The following WASHC5 variants were observed in gnomAD, a reference collection of about 807,000 sequenced individuals.
WASHC5 encodes WASH complex subunit strumpellin.
Under a neutral mutation model 150.4 loss-of-function variants are expected in WASHC5, and 101 were observed. The ratio of observed to expected loss-of-function variants is 0.67; its 90% CI spans 0.57 to 0.79. WASHC5 has a LOEUF of 0.79. Among genes scored for constraint, WASHC5 ranks in the 30% least tolerant of loss-of-function variants. The probability of loss-of-function intolerance (pLI) is 0.00; values close to 1 mark genes in which losing one functional copy is unlikely to be tolerated. For missense variants in WASHC5, 1,195 were observed against 1,396.3 expected (o/e 0.86, Z 2.30); for synonymous variants, 467 against 491.2 (o/e 0.95, Z 0.65).
chr8:125,043,939 A>G, intron 22 of WASHC5, 35 bp from the exon 23 acceptor site: 4 of 1,585,708 alleles, frequency 2.5e-6, no homozygotes, highest in Non-Finnish European at 3.4e-6. Flanking sequence ...TCTTTAGTAC[A>G]TTCGTAAAGG....
At position 125,040,432 on chromosome 8, in the gene WASHC5, G is replaced by A. The variant is rs1038022885; in HGVS notation, c.2851-534C>T. Among the ~76,000 whole-genome samples, 8 of 152,028 alleles carry A rather than the reference G, an allele frequency of 5.3e-5. No individual in the cohort carries two copies. In the South Asian group the frequency reaches 8.3e-4, roughly 16 times the overall value. ...AAATAATCTACATAAAATCTTTCAC[G>A]AAAATTTTAACAATGATAGCCCCTT... On this transcript the variant is annotated intron_variant, in intron 23 of 28. Coordinates refer to ENST00000318410, the MANE Select transcript of WASHC5 (RefSeq NM_014846.4).
At chr8:125,088,254 G>A (rs1157241979) in intron 1 of WASHC5, among the ~76,000 whole-genome samples, 15 of 151,536 alleles carry the variant, frequency 9.9e-5, no homozygotes, top group African/African-American at 2.7e-4. Context: ...GGATCACCCC[G>A]GCTCTACTAA....
At chr8:125,051,275 C>T (rs749168847) in intron 17 of WASHC5, among the ~76,000 whole-genome samples, 1 of 152,106 alleles carries the variant, frequency 6.6e-6, no homozygotes, top group Non-Finnish European at 1.5e-5. Flanking sequence ...TTTGTTATTC[C>T]TTTAAAAAGT....
At chr8:125,085,573 T>C (rs961894798) in intron 1 of WASHC5, among the ~76,000 whole-genome samples, 5 of 152,172 alleles carry the variant, frequency 3.3e-5, no homozygotes, top group East Asian at 1.9e-4. Flanking sequence ...CAACAAAACA[T>C]ACATGTGATG....
rs980177499 is a variant in WASHC5 at position 125,076,999 on chromosome 8, G to C, written c.712-499C>G. On this transcript the variant is annotated intron_variant, in intron 6 of 28. Transcript: ENST00000318410. ...AAGACTCTCACTTAAATTCTCTGAG[G>C]AATGAAATCTCTCCTTCTCTGGTTT... is the stretch of plus-strand genomic sequence containing the variant. 8.5e-5 allele frequency among the ~76,000 whole-genome samples: 13 copies of C among 152,190 alleles called. No homozygotes were observed. The Middle Eastern group carries it at 0.01, about 119-fold the overall frequency.
At chr8:125,037,547 G>A (rs1815752443) in intron 25 of WASHC5, among the ~76,000 whole-genome samples, 1 of 152,164 alleles carries the variant, frequency 6.6e-6, no homozygotes, top group African/African-American at 2.4e-5. Context: ...GCCCTTCTGG[G>A]AAGAAAACAA....
At chr8:125,046,527 A>T (rs1180998716) in intron 20 of WASHC5, among the ~76,000 whole-genome samples, 2 of 152,186 alleles carry the variant, frequency 1.3e-5, no homozygotes, top group Non-Finnish European at 2.9e-5. Context: ...CTCTGGAGTC[A>T]GAGGGCCTGG....
At chr8:125,028,286 A>G (rs1215096495) in intron 28 of WASHC5, among the ~76,000 whole-genome samples, 2 of 152,250 alleles carry the variant, frequency 1.3e-5, no homozygotes, top group Admixed American at 6.5e-5. Context: ...GAGAGAAAGA[A>G]CAAACCACCA....
At chr8:125,070,909 C>G (rs995314652) in intron 9 of WASHC5, among the ~76,000 whole-genome samples, 3 of 152,202 alleles carry the variant, frequency 2.0e-5, no homozygotes, top group Non-Finnish European at 4.4e-5. Flanking sequence ...GCTGTTTTCA[C>G]TGTGGACCAC....
chr8:125,039,143 T>C (rs1308817437), intron 24 of WASHC5, among the ~76,000 whole-genome samples, 184 bp from the exon 25 acceptor site: 1 of 152,242 alleles, frequency 6.6e-6, no homozygotes, highest in Non-Finnish European at 1.5e-5. Context: ...GACCTAGAAT[T>C]ACTTCATCTT....
intron 5 of WASHC5, among the ~76,000 whole-genome samples, chr8:125,081,239 T>G (rs946890252): frequency 6.7e-6 from 1 of 148,638 alleles, no homozygotes; most frequent in Non-Finnish European, 1.5e-5. Context: ...AATCTTACTT[T>G]TTTTTTTTTT....
intron 26 of WASHC5, among the ~76,000 whole-genome samples, chr8:125,033,608 G>C (rs1251647054): frequency 6.6e-6 from 1 of 151,968 alleles, no homozygotes; most frequent in African/African-American, 2.4e-5. Flanking sequence ...GAGGGCAGTG[G>C]CACAATCTCG....
At chr8:125,057,092 T>C (rs1816429981) in intron 15 of WASHC5, among the ~76,000 whole-genome samples, 1 of 152,184 alleles carries the variant, frequency 6.6e-6, no homozygotes, top group African/African-American at 2.4e-5. Context: ...TTAAGTAACA[T>C]CACTATAGAG....
chr8:125,055,153 G>A (rs1443101442), intron 17 of WASHC5, among the ~76,000 whole-genome samples: 1 of 152,140 alleles, frequency 6.6e-6, no homozygotes, highest in Non-Finnish European at 1.5e-5. Flanking sequence ...GCTGGGCACC[G>A]TGGCTCATGC....
intron 5 of WASHC5, 95 bp downstream of exon 5, chr8:125,081,566 G>C: frequency 1.3e-6 from 1 of 796,032 alleles, no homozygotes; most frequent in Non-Finnish European, 2.2e-6. Context: ...ATCTATTCTT[G>C]GATTACTGCT....
At chr8:125,086,974 G>A (rs941497622) in intron 1 of WASHC5, among the ~76,000 whole-genome samples, 1 of 152,198 alleles carries the variant, frequency 6.6e-6, no homozygotes, top group African/African-American at 2.4e-5. Flanking sequence ...AGACATATAA[G>A]GGATGAGGCT....
At chr8:125,079,142 A>ATATATATATATATATATAC (rs1312566224) in intron 5 of WASHC5, among the ~76,000 whole-genome samples, 8 of 108,194 alleles carry the variant, frequency 7.4e-5, no homozygotes, top group African/African-American at 2.9e-4. Context: ...ATATATATAC[A>ATATATATATATATATATAC]TTTTTTTTTG....
At chr8:125,040,022 A>T in intron 23 of WASHC5, 124 bp from the exon 24 acceptor site, 1 of 713,312 alleles carries the variant, frequency 1.4e-6, no homozygotes, top group Non-Finnish European at 2.5e-6. Flanking sequence ...GAAAAAAAAT[A>T]AGGATTTCCT....
rs1224706068 is a variant in WASHC5 at position 125,037,123 on chromosome 8, TTAAC to T, written c.3181+110_3181+113del. 1.8e-5 allele frequency: 13 copies of T among 710,372 alleles called. No individual in the cohort carries two copies. The Admixed American group carries it at 2.9e-4, about 16-fold the overall frequency. The allele number at this position is 710,372 out of a possible 1,614,324, so 44.0% of individuals were successfully genotyped here. A position where few individuals can be genotyped will look rare whatever the true frequency, so the allele number is the denominator to read the frequency against. ...AGACTCGAATTTCATAAACATAAATTTAACTAAGAAAAGATCTCATATCCGACAT... is the reference window on the plus strand; with the variant it reads ...AGACTCGAATTTCATAAACATAAATTTAAGAAAAGATCTCATATCCGACAT... On this transcript the variant is annotated intron_variant, in intron 26 of 28. Transcript: ENST00000318410.
Sources: gnomAD v4.1 joint callset for allele counts (sites outside exome capture counted in the v4.1 genomes callset) on GRCh38, gnomAD v4.1.1 for gene constraint, MANE v1.5 for transcripts, NCBI Gene and HGNC (gene_info 2026-07-23, HGNC 2026-07-21) for gene names.